The following SNX29 variants were observed in gnomAD, a reference collection of about 807,000 sequenced individuals.
SNX29 encodes the protein sorting nexin-29.
In SNX29, 78 loss-of-function variants were observed where a neutral mutation model predicts 102.1. The observed-to-expected ratio is 0.76, with a 90% CI of 0.64 to 0.92. The LOEUF (loss-of-function observed/expected upper bound fraction) is 0.92, where lower values mean the gene tolerates loss of function less well. SNX29 is among the 40% of genes least tolerant of loss of function. SNX29 has a pLI of 0.00. For synonymous variants in SNX29, 580 were observed against 414.5 expected, an observed-to-expected ratio of 1.40 and a Z score of -4.85; for missense variants, 1,280 against 1,061.7, an observed-to-expected ratio of 1.21 and a Z score of -2.86.
At chr16:12,372,355 C>T (rs750037202) in intron 16 of SNX29, among the ~76,000 whole-genome samples, 8 of 152,336 alleles carry the variant, frequency 5.3e-5, no homozygotes, top group South Asian at 4.1e-4. Flanking sequence ...TTGGTAGGTA[C>T]GTTTCTAATG....
intron 13 of SNX29, among the ~76,000 whole-genome samples, chr16:12,182,431 T>C (rs2076408306): frequency 6.6e-6 from 1 of 152,086 alleles, no homozygotes. Context: ...TCATTTTGCT[T>C]CACAAAAGTA....
At chr16:12,055,096 G>A (rs1007795748) in intron 8 of SNX29, among the ~76,000 whole-genome samples, 1 of 152,128 alleles carries the variant, frequency 6.6e-6, no homozygotes, top group African/African-American at 2.4e-5. Flanking sequence ...CAGAACCAGT[G>A]TGGTGGGGCT....
intron 19 of SNX29, among the ~76,000 whole-genome samples, chr16:12,493,418 G>T (rs1460679172): frequency 7.3e-5 from 11 of 151,270 alleles, no homozygotes; most frequent in African/African-American, 2.7e-4. Flanking sequence ...TTGCTTATCA[G>T]CTTAAGGAGA....
chr16:12,153,829 G>A (rs1173706670), intron 13 of SNX29, among the ~76,000 whole-genome samples: 1 of 152,114 alleles, frequency 6.6e-6, no homozygotes, highest in Non-Finnish European at 1.5e-5. Flanking sequence ...TTTCCAGAAA[G>A]TTTTATGTAG....
intron 20 of SNX29, among the ~76,000 whole-genome samples, chr16:12,566,169 G>T (rs151181006): frequency 1.2e-4 from 18 of 152,312 alleles, no homozygotes; most frequent in Middle Eastern, 6.8e-3. Flanking sequence ...CTAGTTGGTG[G>T]CTTTAGGTAG....
At chr16:12,544,917 T>G (rs1190111503) in intron 20 of SNX29, among the ~76,000 whole-genome samples, 1 of 152,230 alleles carries the variant, frequency 6.6e-6, no homozygotes, top group Non-Finnish European at 1.5e-5. Flanking sequence ...AGTCATTAGA[T>G]GTTATCATCA....
At chr16:12,414,945 A>G (rs913645898) in intron 18 of SNX29, among the ~76,000 whole-genome samples, 4 of 152,080 alleles carry the variant, frequency 2.6e-5, no homozygotes, top group Non-Finnish European at 4.4e-5. Context: ...CTGGTCTCGA[A>G]CTCCTAACCT....
chr16:12,463,817 A>AGAGTGT (rs148125227), intron 18 of SNX29, among the ~76,000 whole-genome samples: 5 of 143,270 alleles, frequency 3.5e-5, no homozygotes, highest in Non-Finnish European at 6.1e-5. Flanking sequence ...TCCCGAAGTG[A>AGAGTGT]GTGTGTGTGT....
chr16:12,112,834 T>G (rs1398119149), intron 11 of SNX29, among the ~76,000 whole-genome samples: 1 of 152,186 alleles, frequency 6.6e-6, no homozygotes, highest in East Asian at 1.9e-4. Flanking sequence ...TACAGCTGGA[T>G]GTATAATTGC....
chr16:12,439,631 C>T (rs2085708323), intron 18 of SNX29, among the ~76,000 whole-genome samples: 1 of 152,174 alleles, frequency 6.6e-6, no homozygotes, highest in African/African-American at 2.4e-5. Flanking sequence ...AAATTACCCC[C>T]ATGATTCAGT....
chr16:12,556,576 G>A (rs1045946100), intron 20 of SNX29: 2 of 152,288 alleles, frequency 1.3e-5, no homozygotes, highest in Admixed American at 1.3e-4. Context: ...TGAACACAGT[G>A]GGAAGCTATG....
intron 16 of SNX29, among the ~76,000 whole-genome samples, chr16:12,380,815 CCCGCCATCCAT>C: frequency 8.9e-6 from 1 of 112,144 alleles, no homozygotes; most frequent in South Asian, 3.4e-4. Flanking sequence ...CATCCATCCA[CCCGCCATCCAT>C]CCACCCACCC....
intron 13 of SNX29, among the ~76,000 whole-genome samples, chr16:12,133,308 T>TA (rs1477189402): frequency 9.2e-6 from 1 of 108,834 alleles, no homozygotes; most frequent in East Asian, 2.8e-4. Context: ...TTTTTTTTTT[T>TA]AAGATAGTAT....
chr16:12,562,081 G>A (rs2078757248), intron 20 of SNX29, among the ~76,000 whole-genome samples: 1 of 152,148 alleles, frequency 6.6e-6, no homozygotes, highest in Non-Finnish European at 1.5e-5. Context: ...TTTCTGCCCA[G>A]TAGTTTGAAC....
chr16:12,171,597 C>G (rs1486054165), intron 13 of SNX29, among the ~76,000 whole-genome samples: 1 of 152,220 alleles, frequency 6.6e-6, no homozygotes, highest in African/African-American at 2.4e-5. Flanking sequence ...CAGGGCTTAG[C>G]CCTCTTCTGG....
chr16:12,285,228 CT>C (rs1199357565), intron 15 of SNX29, among the ~76,000 whole-genome samples: 1 of 152,192 alleles, frequency 6.6e-6, no homozygotes, highest in African/African-American at 2.4e-5. Context: ...GCTTAGCTCC[CT>C]CATGTTGTCT....
intron 13 of SNX29, among the ~76,000 whole-genome samples, chr16:12,130,101 C>G (rs1466700972): frequency 2.7e-5 from 4 of 149,448 alleles, no homozygotes; most frequent in African/African-American, 9.9e-5. Context: ...AAGACTCTGT[C>G]TCAAAAACAA....
At chr16:12,314,392 G>C (rs1436169131) in intron 15 of SNX29, among the ~76,000 whole-genome samples, 1 of 152,228 alleles carries the variant, frequency 6.6e-6, no homozygotes, top group Non-Finnish European at 1.5e-5. Flanking sequence ...CAGAGTGGTG[G>C]TTGCGAGTGG....
At chr16:12,220,089 C>A (rs1420778971) in intron 14 of SNX29, among the ~76,000 whole-genome samples, 1 of 152,254 alleles carries the variant, frequency 6.6e-6, no homozygotes, top group Non-Finnish European at 1.5e-5. Flanking sequence ...TTGCGACCTG[C>A]AGCCTTATTT....
Sources: gnomAD v4.1 joint callset for allele counts (sites outside exome capture counted in the v4.1 genomes callset) on GRCh38, gnomAD v4.1.1 for gene constraint, MANE v1.5 for transcripts, NCBI Gene and HGNC (gene_info 2026-07-23, HGNC 2026-07-21) for gene names.